The following TENM3 variants were observed in gnomAD, a reference collection of about 807,000 sequenced individuals.
TENM3 encodes the protein teneurin transmembrane protein 3.
In TENM3, 63 loss-of-function variants were observed where a neutral mutation model predicts 255.1. The ratio of observed to expected loss-of-function variants is 0.25; its 90% CI spans 0.20 to 0.30. TENM3 has a LOEUF of 0.30. TENM3 is among the 10% of genes least tolerant of loss of function. The pLI is 1.00. For missense variants in TENM3, 2,929 were observed against 3,461.1 expected (o/e 0.85, Z 3.86); for synonymous variants, 1,306 against 1,322.3 (o/e 0.99, Z 0.27).
At chr4:181,787,885 G>A in the TENM3 span, among the ~76,000 whole-genome samples, 1 of 152,040 alleles carries the variant, frequency 6.6e-6, no homozygotes, top group South Asian at 2.1e-4. Context: ...ACTGTAGTCC[G>A]CACAACTCAG....
At chr4:181,757,972 A>G in the TENM3 span, among the ~76,000 whole-genome samples, 8 of 152,142 alleles carry the variant, frequency 5.3e-5, no homozygotes, top group Admixed American at 3.3e-4. Flanking sequence ...GTGTTCTACA[A>G]TTACGACCAG....
Position 182,773,529 on chromosome 4 carries a change from C to A in TENM3, c.4950C>A (p.Asn1650Lys). The A allele has an allele frequency of 6.2e-7, 1 of 1,613,732 alleles. No homozygotes were observed. The highest frequency in any genetic ancestry group is 8.5e-7 in the Non-Finnish European group (1 of 1,179,792). Residue 1650 changes from asparagine to lysine, a missense_variant, in exon 23 of 28, where the codon AAC becomes AAA. Transcript: ENST00000511685. ...CGTTTCCAACTGGAGTGGTCACAAACCTGCATGGGGACATGGACAAGGCTA... is the reference window on the plus strand; with the variant it reads ...CGTTTCCAACTGGAGTGGTCACAAAACTGCATGGGGACATGGACAAGGCTA... Reference protein sequence around the residue: ...NVTFPTGVVTNLHGDMDKAIT... With the variant: ...NVTFPTGVVTKLHGDMDKAIT...
the TENM3 span, among the ~76,000 whole-genome samples, chr4:181,926,738 A>G: frequency 1.3e-5 from 2 of 151,996 alleles, no homozygotes; most frequent in East Asian, 3.9e-4. Context: ...GCCAAATAGG[A>G]ACAGCTCCGG....
At chr4:182,550,240 G>A (rs116135004) in intron 3 of TENM3, among the ~76,000 whole-genome samples, 1,685 of 152,292 alleles carry the variant, frequency 0.011, 17 homozygotes, top group Non-Finnish European at 0.018. Flanking sequence ...ATGTATGTAC[G>A]TTGATTTACA....
the TENM3 span, among the ~76,000 whole-genome samples, chr4:181,848,245 A>G: frequency 6.6e-6 from 1 of 152,228 alleles, no homozygotes; most frequent in South Asian, 2.1e-4. Context: ...GTCCAAGTGC[A>G]CGGAGTTGAA....
chr4:181,883,664 C>A, the TENM3 span, among the ~76,000 whole-genome samples: 12 of 152,082 alleles, frequency 7.9e-5, no homozygotes, highest in East Asian at 1.9e-3. Context: ...TTAGTAGAGA[C>A]GGGGTTTCAT....
chr4:181,717,422 A>T, the TENM3 span, among the ~76,000 whole-genome samples: 8 of 152,150 alleles, frequency 5.3e-5, no homozygotes, highest in Non-Finnish European at 7.4e-5. Context: ...TTTCAACCTG[A>T]TGCTTCCATT....
chr4:181,743,046 T>G, the TENM3 span, among the ~76,000 whole-genome samples: 3 of 152,122 alleles, frequency 2.0e-5, no homozygotes, highest in South Asian at 6.2e-4. Context: ...ATGGTGTATA[T>G]GTGCCACATT....
chr4:181,457,333 G>A, the TENM3 span, among the ~76,000 whole-genome samples: 4 of 151,722 alleles, frequency 2.6e-5, no homozygotes, highest in South Asian at 2.1e-4. Flanking sequence ...GACACAAAGG[G>A]CAATGTAAAC....
intron 10 of TENM3, among the ~76,000 whole-genome samples, chr4:182,681,006 A>T (rs1756128512): frequency 6.6e-6 from 1 of 152,172 alleles, no homozygotes; most frequent in Non-Finnish European, 1.5e-5. Flanking sequence ...CTTGAAACTA[A>T]CAGCGGACGG....
intron 3 of TENM3, among the ~76,000 whole-genome samples, chr4:182,419,909 C>G (rs759013729): frequency 1.1e-4 from 17 of 151,538 alleles, no homozygotes; most frequent in Non-Finnish European, 2.2e-4. Context: ...AGGAGATATA[C>G]GTAATGTAAA....
At chr4:182,205,363 G>A (rs1754483491) in intron 1 of TENM3, among the ~76,000 whole-genome samples, 1 of 152,198 alleles carries the variant, frequency 6.6e-6, no homozygotes, top group South Asian at 2.1e-4. Context: ...ACCACTTCTA[G>A]AAACCTGGGT....
intron 3 of TENM3, among the ~76,000 whole-genome samples, chr4:182,456,700 A>G (rs1044291623): frequency 6.6e-6 from 1 of 152,236 alleles, no homozygotes; most frequent in Non-Finnish European, 1.5e-5. Context: ...AATCTTTAAG[A>G]TGATAATTTA....
the TENM3 span, among the ~76,000 whole-genome samples, chr4:181,873,234 A>G: frequency 6.6e-6 from 1 of 151,650 alleles, no homozygotes; most frequent in Admixed American, 6.6e-5. Context: ...CACCCAGATA[A>G]TTTTTGCATT....
the TENM3 span, among the ~76,000 whole-genome samples, chr4:181,911,726 G>A: frequency 1.3e-5 from 2 of 152,132 alleles, no homozygotes; most frequent in East Asian, 3.9e-4. Context: ...ATATCCTTAT[G>A]AAAATGAACA....
chr4:182,183,709 A>G (rs183642040), intron 1 of TENM3, among the ~76,000 whole-genome samples: 64 of 152,284 alleles, frequency 4.2e-4, no homozygotes, highest in African/African-American at 1.5e-3. Flanking sequence ...AAGTAGAAGC[A>G]TACTAAGATT....
intron 4 of TENM3, among the ~76,000 whole-genome samples, chr4:182,614,323 A>C (rs1163599113): frequency 6.6e-6 from 1 of 152,182 alleles, no homozygotes; most frequent in Non-Finnish European, 1.5e-5. Flanking sequence ...TTATATTAGA[A>C]AGAATCAATC....
the TENM3 span, among the ~76,000 whole-genome samples, chr4:182,102,624 T>G: frequency 6.6e-6 from 1 of 152,192 alleles, no homozygotes; most frequent in Non-Finnish European, 1.5e-5. Flanking sequence ...GGATAAATAA[T>G]TCTGAGGTCT....
the TENM3 span, among the ~76,000 whole-genome samples, chr4:181,983,122 A>C: frequency 6.6e-6 from 1 of 152,164 alleles, no homozygotes; most frequent in Non-Finnish European, 1.5e-5. Flanking sequence ...TTCACAAGTG[A>C]ATCAATTCCA....
Sources: gnomAD v4.1 joint callset for allele counts (sites outside exome capture counted in the v4.1 genomes callset) on GRCh38, gnomAD v4.1.1 for gene constraint, MANE v1.5 for transcripts, NCBI Gene and HGNC (gene_info 2026-07-23, HGNC 2026-07-21) for gene names.